Variants in PCDHA5 observed in about 807,000 individuals in gnomAD.
The protein encoded by PCDHA5 is protocadherin alpha-5.
Under a neutral mutation model 61.6 loss-of-function variants are expected in PCDHA5, and 43 were observed. That is an observed-to-expected ratio of 0.70 (90% CI 0.55 to 0.90). PCDHA5 has a LOEUF of 0.90. PCDHA5 is among the 40% of genes least tolerant of loss of function. The pLI is 0.00. For synonymous variants in PCDHA5, 627 were observed against 543.9 expected, an observed-to-expected ratio of 1.15 and a Z score of -2.13; for missense variants, 1,298 against 1,222.7, an observed-to-expected ratio of 1.06 and a Z score of -0.92.
chr5:140,824,002 G>T lies in PCDHA5; in HGVS notation c.2227G>T (p.Ala743Ser), dbSNP rs1554129685. Residue 743 changes from alanine (A) to serine (S), a missense_variant, in exon 1 of 4, where the codon GCG becomes TCG. By Grantham distance (99) the Ala-to-Ser change is moderately conservative. Coordinates refer to ENST00000529859, the MANE Select transcript of PCDHA5 (RefSeq NM_018908.3). Reference protein sequence around the residue: ...RGKPTLLCSSAVGSWSYSQQR... With the variant: ...RGKPTLLCSSSVGSWSYSQQR... ...CAAGCCCACTCTGTTGTGCTCCAGC[G>T]CGGTGGGGAGCTGGTCGTACTCGCA... 7 of 1,614,092 alleles carry T rather than the reference G, an allele frequency of 4.3e-6. No homozygotes were observed. Among genetic ancestry groups the T allele is most frequent in the Non-Finnish European group, 5.9e-6 (7 of 1,180,006 alleles).
intron 1 of PCDHA5, chr5:140,862,002 T>C (rs1430406580): frequency 6.4e-6 from 1 of 155,594 alleles, no homozygotes; most frequent in Non-Finnish European, 1.4e-5. Context: ...CACTGGTTAT[T>C]AGACTTAACC....
rs782443419 is a variant in PCDHA5, at chr5:140,882,688, A to T, written c.2352+58561A>T. On this transcript the variant is annotated intron_variant, in intron 1 of 3. Coordinates refer to ENST00000529859, the MANE Select transcript of PCDHA5 (RefSeq NM_018908.3). ...TATTCCCTGAAAGCAAGAAACGAATAATCATTGCAGAATCTAGACCTCCGG... is the reference window on the plus strand; with the variant it reads ...TATTCCCTGAAAGCAAGAAACGAATTATCATTGCAGAATCTAGACCTCCGG... The T allele has an allele frequency of 1.2e-5, 20 of 1,614,078 alleles. 1 individual carries two copies. In the South Asian group the frequency reaches 2.2e-4, roughly 18 times the overall value.
rs782257919 is a variant in PCDHA5, at chr5:140,853,730, T to C, written c.2352+29603T>C. 84 of 988,668 alleles carry C rather than the reference T, an allele frequency of 8.5e-5. 8 individuals carry two copies. Among genetic ancestry groups the C allele is most frequent in the African/African-American group, 5.6e-4 (32 of 56,686 alleles). The allele number at this position is 988,668 out of a possible 1,614,324, so 61.2% of individuals were successfully genotyped here. A position where few individuals can be genotyped will look rare whatever the true frequency, so the allele number is the denominator to read the frequency against. ...AGCATTAGCAGCACCTAAGTCCTCA[T>C]TGAATGTTCTGGTTCAAGGCTCCAC... On this transcript the variant is annotated intron_variant, in intron 1 of 3. Coordinates refer to ENST00000529859, the MANE Select transcript of PCDHA5 (RefSeq NM_018908.3).
intron 1 of PCDHA5, chr5:140,929,422 T>C: frequency 1.3e-6 from 2 of 1,500,730 alleles, no homozygotes; most frequent in Non-Finnish European, 1.8e-6. Context: ...CAACATTTCA[T>C]CAATTGAACT....
chr5:140,839,977 T>C (rs1329730797), intron 1 of PCDHA5, among the ~76,000 whole-genome samples: 1 of 152,062 alleles, frequency 6.6e-6, no homozygotes, highest in Non-Finnish European at 1.5e-5. Context: ...ATGACTCCTA[T>C]TGGAAAGTGG....
chr5:140,899,491 A>T (rs1333944586), intron 1 of PCDHA5, among the ~76,000 whole-genome samples: 1 of 152,196 alleles, frequency 6.6e-6, no homozygotes, highest in East Asian at 1.9e-4. Flanking sequence ...GCTGGATTAC[A>T]TTTATTGATT....
At chr5:140,946,452 T>C (rs2093945325) in intron 1 of PCDHA5, among the ~76,000 whole-genome samples, 1 of 151,436 alleles carries the variant, frequency 6.6e-6, no homozygotes. Flanking sequence ...AAAACAACTA[T>C]CCAGCAATCC....
At chr5:140,905,234 C>T (rs1303215169) in intron 1 of PCDHA5, among the ~76,000 whole-genome samples, 1 of 152,144 alleles carries the variant, frequency 6.6e-6, no homozygotes, top group African/African-American at 2.4e-5. Flanking sequence ...GATGAGGATC[C>T]AGTTTCATTC....
Position 140,836,254 on chromosome 5 carries a change from T to C in PCDHA5, c.2352+12127T>C, listed in dbSNP as rs1644784516. ...GCCGGTGCGAGCATCCCGTTCCGCG[T>C]GGGGCTGTACACTGGTGAGATCAGC... On this transcript the variant is annotated intron_variant, in intron 1 of 3. Transcript: ENST00000529859. 7 of 1,613,670 alleles carry C rather than the reference T, an allele frequency of 4.3e-6. No individual in the cohort carries two copies. Among genetic ancestry groups the C allele is most frequent in the Non-Finnish European group, 5.1e-6 (6 of 1,179,780 alleles).
At chr5:140,862,744 C>T in intron 1 of PCDHA5, 1 of 577,744 alleles carries the variant, frequency 1.7e-6, no homozygotes, top group South Asian at 1.4e-5. Flanking sequence ...TGTGTGGGTG[C>T]ACGCGGAGAG....
At chr5:140,836,407 C>T (rs2150259988) in intron 1 of PCDHA5, 23 of 1,613,770 alleles carry the variant, frequency 1.4e-5, no homozygotes, top group Non-Finnish European at 1.9e-5. Context: ...AGCGGCCAGG[C>T]ACCAAAGGCG....
intron 1 of PCDHA5, chr5:140,830,296 C>G: frequency 1.2e-6 from 2 of 1,613,846 alleles, no homozygotes; most frequent in Non-Finnish European, 1.7e-6. Context: ...GCACGGCGGA[C>G]AAGCCCACGC....
At chr5:140,952,513 A>T (rs533436826) in intron 1 of PCDHA5, among the ~76,000 whole-genome samples, 7 of 152,028 alleles carry the variant, frequency 4.6e-5, no homozygotes, top group Non-Finnish European at 8.8e-5. Context: ...CCTCATCTCC[A>T]TCTGAGACCT....
intron 1 of PCDHA5, chr5:140,927,919 C>G (rs782561454): frequency 6.2e-7 from 1 of 1,614,216 alleles, no homozygotes; most frequent in Non-Finnish European, 8.5e-7. Context: ...ACTGGACTTC[C>G]TGACTCTTTC....
intron 1 of PCDHA5, among the ~76,000 whole-genome samples, chr5:140,827,413 C>T (rs1769282233): frequency 6.6e-6 from 1 of 152,162 alleles, no homozygotes; most frequent in African/African-American, 2.4e-5. Flanking sequence ...AAAGAATATG[C>T]TCTAGAATTT....
chr5:140,828,149 C>T, intron 1 of PCDHA5: 1 of 1,614,102 alleles, frequency 6.2e-7, no homozygotes. Flanking sequence ...CCCGCTTCTG[C>T]TCCTCGCAGC....
Position 140,919,359 on chromosome 5 carries a change from G to A in PCDHA5, c.2353-59590G>A, listed in dbSNP as rs188480486. Among the ~76,000 whole-genome samples, 421 of 152,262 alleles carry A rather than the reference G, an allele frequency of 2.8e-3. 2 individuals carry two copies. The highest frequency in any genetic ancestry group is 0.014 in the Middle Eastern group (4 of 294). ...TGTTTGTATCTTTGAATCTAAAAGTGTCTCCTGCAGACAACACATAGTTGG... is the reference window on the plus strand; with the variant it reads ...TGTTTGTATCTTTGAATCTAAAAGTATCTCCTGCAGACAACACATAGTTGG... On this transcript the variant is annotated intron_variant, in intron 1 of 3. Coordinates refer to ENST00000529859, the MANE Select transcript of PCDHA5 (RefSeq NM_018908.3).
intron 1 of PCDHA5, chr5:140,869,054 T>C: frequency 6.5e-7 from 1 of 1,545,104 alleles, no homozygotes; most frequent in African/African-American, 1.4e-5. Context: ...CTGAAGAATC[T>C]GGTACTGTAA....
At position 140,823,308 on chromosome 5, in the gene PCDHA5, G is replaced by C; in HGVS notation, c.1533G>C (p.Ala511=). The C allele has an allele frequency of 6.2e-7, 1 of 1,612,318 alleles. No homozygotes were observed. The highest frequency in any genetic ancestry group is 8.5e-7 in the Non-Finnish European group (1 of 1,179,752). Residue 511 remains alanine, a synonymous_variant, in exon 1 of 4, where the codon GCG becomes GCC. Coordinates refer to ENST00000529859, the MANE Select transcript of PCDHA5 (RefSeq NM_018908.3). ...RPLSSYVSVH[A]ESGKVYALQP... ...TGTCGAGTTACGTTTCGGTGCACGC[G>C]GAGAGCGGCAAGGTGTACGCGCTGC...
Sources: gnomAD v4.1 joint callset for allele counts (sites outside exome capture counted in the v4.1 genomes callset) on GRCh38, gnomAD v4.1.1 for gene constraint, MANE v1.5 for transcripts, NCBI Gene and HGNC (gene_info 2026-07-23, HGNC 2026-07-21) for gene names.